The following VRK1 variants were observed in gnomAD, a reference collection of about 807,000 sequenced individuals.
VRK1 encodes VRK serine/threonine kinase 1, also known as serine/threonine-protein kinase VRK1.
A neutral mutation model predicts 57.1 loss-of-function variants in VRK1; 33 were observed. The ratio of observed to expected loss-of-function variants is 0.58; its 90% CI spans 0.44 to 0.77. The LOEUF (loss-of-function observed/expected upper bound fraction) is 0.77. VRK1 is among the 30% of genes least tolerant of loss of function. The pLI, the probability that VRK1 is intolerant of heterozygous loss-of-function variation, is 0.00. For missense variants in VRK1, 413 were observed against 477.3 expected, an observed-to-expected ratio of 0.87 and a Z score of 1.25; for synonymous variants, 137 against 147.8, an observed-to-expected ratio of 0.93 and a Z score of 0.53.
chr14:96,824,575 G>A (rs74734808), intron 1 of VRK1, among the ~76,000 whole-genome samples: 12,622 of 151,980 alleles, frequency 0.083, 688 homozygotes, highest in Non-Finnish European at 0.13. Flanking sequence ...AAGTACAGAC[G>A]ATTATTGAAA....
intron 1 of VRK1, among the ~76,000 whole-genome samples, chr14:96,809,366 A>G (rs1886065481): frequency 6.6e-6 from 1 of 152,236 alleles, no homozygotes; most frequent in African/African-American, 2.4e-5. Context: ...ATTACATAGC[A>G]AAATTCATTT....
intron 3 of VRK1, among the ~76,000 whole-genome samples, chr14:96,845,852 A>T (rs1046461973): frequency 6.6e-6 from 1 of 152,204 alleles, no homozygotes; most frequent in Admixed American, 6.5e-5. Flanking sequence ...AGGCTGAGCT[A>T]TATATCTGAT....
chr14:96,829,764 A>G (rs1886936280), intron 1 of VRK1, among the ~76,000 whole-genome samples: 1 of 152,260 alleles, frequency 6.6e-6, no homozygotes, highest in East Asian at 1.9e-4. Context: ...CTATATCTAC[A>G]GTGTCAGTAC....
intron 1 of VRK1, among the ~76,000 whole-genome samples, chr14:96,808,690 A>G (rs936406886): frequency 2.5e-5 from 3 of 121,188 alleles, no homozygotes; most frequent in East Asian, 2.4e-4. Context: ...GACTTCTTTT[A>G]CTCGATGTTG....
intron 1 of VRK1, among the ~76,000 whole-genome samples, chr14:96,810,798 GTGTTATC>G (rs1391511249): frequency 6.6e-6 from 1 of 152,100 alleles, no homozygotes; most frequent in East Asian, 1.9e-4. Flanking sequence ...TATCTGGATT[GTGTTATC>G]TAAAATATTC....
chr14:96,804,553 A>G (rs1013195080), intron 1 of VRK1, among the ~76,000 whole-genome samples: 20 of 152,228 alleles, frequency 1.3e-4, no homozygotes, highest in African/African-American at 4.8e-5. Context: ...AGGAAGGATC[A>G]TTGGTTCGTG....
chr14:96,804,517 G>GC (rs1215343372), intron 1 of VRK1, among the ~76,000 whole-genome samples: 3 of 152,190 alleles, frequency 2.0e-5, no homozygotes, highest in Non-Finnish European at 4.4e-5. Context: ...TGGGAGTCAT[G>GC]CAAGTGAAGG....
At chr14:96,800,511 A>G (rs1278415868) in intron 1 of VRK1, among the ~76,000 whole-genome samples, 1 of 152,204 alleles carries the variant, frequency 6.6e-6, no homozygotes, top group East Asian at 1.9e-4. Flanking sequence ...TCATCAATAA[A>G]TACTGATGAG....
intron 9 of VRK1, 104 bp downstream of exon 9, chr14:96,856,354 A>G: frequency 4.8e-6 from 7 of 1,452,728 alleles, no homozygotes; most frequent in Non-Finnish European, 6.6e-6. Context: ...ACTGATATAG[A>G]AATAAGAAAG....
intron 1 of VRK1, among the ~76,000 whole-genome samples, chr14:96,811,678 T>C (rs1332707021): frequency 6.6e-6 from 1 of 152,228 alleles, no homozygotes; most frequent in Non-Finnish European, 1.5e-5. Flanking sequence ...TAACCCTTCT[T>C]TGAAAATATT....
intron 1 of VRK1, among the ~76,000 whole-genome samples, chr14:96,823,969 A>T (rs1886704389): frequency 6.6e-6 from 1 of 152,216 alleles, no homozygotes; most frequent in Admixed American, 6.5e-5. Flanking sequence ...ATTATTGTGG[A>T]TAGTGCTGCT....
At chr14:96,803,055 CTAGT>C (rs2139678059) in intron 1 of VRK1, among the ~76,000 whole-genome samples, 1 of 152,148 alleles carries the variant, frequency 6.6e-6, no homozygotes, top group South Asian at 2.1e-4. Context: ...TACCCACCAG[CTAGT>C]TAGTCACTCT....
At chr14:96,881,046 T>C (rs1889238808) in intron 12 of VRK1, 131 bp from the exon 13 acceptor site, 3 of 815,274 alleles carry the variant, frequency 3.7e-6, no homozygotes, top group Non-Finnish European at 5.7e-6. Flanking sequence ...GTCAGTTTTA[T>C]CTTTGCAAAT....
At chr14:96,834,042 C>T (rs1887118011) in intron 2 of VRK1, among the ~76,000 whole-genome samples, 1 of 152,096 alleles carries the variant, frequency 6.6e-6, no homozygotes, top group Non-Finnish European at 1.5e-5. Context: ...TCAGTGCAAC[C>T]CTCTTAGCCA....
chr14:96,863,549 AGGGTTGTT>A (rs2139820889), intron 11 of VRK1, among the ~76,000 whole-genome samples: 1 of 152,308 alleles, frequency 6.6e-6, no homozygotes, highest in East Asian at 1.9e-4. Flanking sequence ...GTCAACAAAA[AGGGTTGTT>A]GACTGGAATC....
intron 12 of VRK1, 125 bp from the exon 13 acceptor site, chr14:96,881,052 C>T (rs955050585): frequency 5.8e-6 from 5 of 860,598 alleles, no homozygotes; most frequent in South Asian, 3.7e-5. Flanking sequence ...TTTATCTTTG[C>T]AAATCACGAG....
rs375666438 is a variant in VRK1 at position 96,856,044 on chromosome 14, G to GT, written c.710-82dup. On this transcript the variant is annotated intron_variant, in intron 8 of 12. Coordinates refer to ENST00000216639, the MANE Select transcript of VRK1 (RefSeq NM_003384.3). Reference sequence around the variant, plus strand: ...GAAAAACAGACTGTGGAGTTGACTTGTTTTATGTTATTACTTTATATATAC... The same window carrying GT: ...GAAAAACAGACTGTGGAGTTGACTTGTTTTTATGTTATTACTTTATATATAC... 1.9e-5 allele frequency: 28 copies of GT among 1,490,334 alleles called. No individual in the cohort carries two copies. In the Middle Eastern group the frequency reaches 7.5e-4, roughly 40 times the overall value. 92.3% of individuals were successfully genotyped at this position (1,490,334 alleles called of 1,614,324 possible).
intron 11 of VRK1, among the ~76,000 whole-genome samples, chr14:96,869,599 T>C (rs1888731563): frequency 6.6e-6 from 1 of 152,212 alleles, no homozygotes; most frequent in Non-Finnish European, 1.5e-5. Flanking sequence ...TAAGGCAGAA[T>C]ATAAACAGAT....
intron 12 of VRK1, chr14:96,877,803 A>G (rs1479910779): frequency 2.1e-6 from 1 of 486,706 alleles, no homozygotes; most frequent in Admixed American, 6.4e-5. Context: ...CTTAATGAGC[A>G]TCAAGCGTTT....
Sources: gnomAD v4.1 joint callset for allele counts (sites outside exome capture counted in the v4.1 genomes callset) on GRCh38, gnomAD v4.1.1 for gene constraint, MANE v1.5 for transcripts, NCBI Gene and HGNC (gene_info 2026-07-23, HGNC 2026-07-21) for gene names.